The following CHD3 variants were observed in gnomAD, a reference collection of about 807,000 sequenced individuals.
CHD3 encodes chromodomain helicase DNA binding protein 3, also known as ATP-dependent chromatin remodeler CHD3.
Under a neutral mutation model 248.9 loss-of-function variants are expected in CHD3, and 52 were observed. The observed-to-expected ratio is 0.21, with a 90% CI of 0.17 to 0.26. The LOEUF is 0.26. Among genes scored for constraint, CHD3 ranks in the 10% least tolerant of loss-of-function variants. The pLI, the probability that CHD3 is intolerant of heterozygous loss-of-function variation, is 1.00. For missense variants in CHD3, 1,482 were observed against 2,605.8 expected, an observed-to-expected ratio of 0.57 and a Z score of 9.39; for synonymous variants, 985 against 985.2, an observed-to-expected ratio of 1.00 and a Z score of 0.00.
In CHD3 at chr17:7,911,401, G is replaced by A. The variant is rs1045575456; in HGVS notation, c.5882-63G>A. The A allele has an allele frequency of 1.9e-6, 3 of 1,612,718 alleles. No individual in the cohort carries two copies. In the Admixed American group the frequency reaches 5.0e-5, roughly 27 times the overall value. ...GACCTAGAAGTGAGAATTCACCATT[G>A]TCATGAAGTGACGTTTGAGAGTGAT... On this transcript the variant is annotated intron_variant, in intron 39 of 39. Coordinates refer to ENST00000330494, the MANE Select transcript of CHD3 (RefSeq NM_001005273.3). This position sits in a 1 kb window ranked among gnomAD's most constrained non-coding sequence, Gnocchi z 5.4.
Position 7,895,183 on chromosome 17 carries a change from G to A in CHD3, c.1503+33G>A. On this transcript the variant is annotated intron_variant, in intron 9 of 39. Transcript: ENST00000330494. The surrounding 1 kb of genome is among the most constrained non-coding windows in gnomAD (Gnocchi z 4.9). ...GAAACATCTCCCCTCTGTATTTACT[G>A]TCAGGCCTGATCCCTTCCCCCATCC... 1 of 1,604,724 alleles carries A rather than the reference G, an allele frequency of 6.2e-7. No homozygotes were observed. The highest frequency in any genetic ancestry group is 1.3e-5 in the African/African-American group (1 of 74,882).
At chr17:7,884,974 G>A (rs1158609276), upstream of CHD3, 2 of 1,281,914 alleles carry the variant, frequency 1.6e-6, no homozygotes, top group East Asian at 3.1e-5. Flanking sequence ...GGCGCGGGCC[G>A]GGCCACGACC....
Position 7,895,311 on chromosome 17 carries a change from C to T in CHD3, c.1504-28C>T. 2 of 1,611,032 alleles carry T rather than the reference C, an allele frequency of 1.2e-6. No individual in the cohort carries two copies. The highest frequency in any genetic ancestry group is 2.2e-5 in the South Asian group (2 of 90,970). ...TGGGTTCTTTCTGCCTCTTTCTTTCCTCCTCCTTGTACGTGTCCATCCCAA... is the reference window on the plus strand; with the variant it reads ...TGGGTTCTTTCTGCCTCTTTCTTTCTTCCTCCTTGTACGTGTCCATCCCAA... On this transcript the variant is annotated intron_variant, in intron 9 of 39. Transcript: ENST00000330494. The surrounding 1 kb of genome is among the most constrained non-coding windows in gnomAD (Gnocchi z 4.9).
At chr17:7,891,862 CAAAAA>C (rs201268003) in intron 4 of CHD3, among the ~76,000 whole-genome samples, 1 of 123,666 alleles carries the variant, frequency 8.1e-6, no homozygotes, top group South Asian at 2.6e-4. Flanking sequence ...AACTCCGTCT[CAAAAA>C]AAAAAAAAGA....
In CHD3 at chr17:7,907,057, G is replaced by C. The variant is rs769080051; in HGVS notation, c.4666+26G>C. ...GTAATCAGAAGTCAGGATGGTGGGA[G>C]AGACAGAAAGGGAGCCAGGAGTCAG... On this transcript the variant is annotated intron_variant, in intron 30 of 39. Coordinates refer to ENST00000330494, the MANE Select transcript of CHD3 (RefSeq NM_001005273.3). This position sits in a 1 kb window ranked among gnomAD's most constrained non-coding sequence, Gnocchi z 4.3. The C allele has an allele frequency of 8.7e-6, 14 of 1,613,826 alleles. No individual in the cohort carries two copies. The highest frequency in any genetic ancestry group is 1.7e-5 in the Admixed American group (1 of 59,984).
In CHD3 at chr17:7,910,279, C is replaced by G; in HGVS notation, c.5591-149C>G. 1.0e-6 allele frequency: 1 copy of G among 969,862 alleles called. No homozygotes were observed. Among genetic ancestry groups the G allele is most frequent in the Non-Finnish European group, 1.6e-6 (1 of 620,410 alleles). 60.1% of individuals were successfully genotyped at this position (969,862 alleles called of 1,614,324 possible). A position where few individuals can be genotyped will look rare whatever the true frequency, so the allele number is the denominator to read the frequency against. ...GTTTTCCATCTACTTCTTTTACTTTCTTGATCTCTGGTTCTTTGACATCTG... is the reference window on the plus strand; with the variant it reads ...GTTTTCCATCTACTTCTTTTACTTTGTTGATCTCTGGTTCTTTGACATCTG... On this transcript the variant is annotated intron_variant, in intron 37 of 39. Transcript: ENST00000330494. The surrounding 1 kb of genome is among the most constrained non-coding windows in gnomAD (Gnocchi z 4.7).
In CHD3 at chr17:7,897,686, C is replaced by G. The variant is rs114279001; in HGVS notation, c.1920-285C>G. Among the ~76,000 whole-genome samples, 1,834 of 152,292 alleles carry G rather than the reference C, an allele frequency of 0.012. 31 individuals are homozygous for G. Among genetic ancestry groups the G allele is most frequent in the African/African-American group, 0.041 (1,721 of 41,546 alleles). ...TTAGTTATTTCAATGCTGCCTTCCCCACGAGACTCTGAGTTCCATGAGGAA... is the reference window on the plus strand; with the variant it reads ...TTAGTTATTTCAATGCTGCCTTCCCGACGAGACTCTGAGTTCCATGAGGAA... On this transcript the variant is annotated intron_variant, in intron 11 of 39. Transcript: ENST00000330494. This position sits in a 1 kb window ranked among gnomAD's most constrained non-coding sequence, Gnocchi z 4.8.
rs955580543 is a variant in CHD3 at position 7,891,963 on chromosome 17, C to T, written c.509+899C>T. 2.6e-5 allele frequency among the ~76,000 whole-genome samples: 4 copies of T among 151,582 alleles called. No homozygotes were observed. The Admixed American group carries it at 2.7e-4, about 10-fold the overall frequency. On this transcript the variant is annotated intron_variant, in intron 4 of 39. Coordinates refer to ENST00000330494, the MANE Select transcript of CHD3 (RefSeq NM_001005273.3). ...CTCTGGAGGCAGCTGCTGAGGTTCA[C>T]ATCTGGTTACATTTTGGGCAAGTGA...
Position 7,910,186 on chromosome 17 carries a change from T to C in CHD3, c.5591-242T>C, listed in dbSNP as rs141170392. On this transcript the variant is annotated intron_variant, in intron 37 of 39. Coordinates refer to ENST00000330494, the MANE Select transcript of CHD3 (RefSeq NM_001005273.3). The surrounding 1 kb of genome is among the most constrained non-coding windows in gnomAD (Gnocchi z 4.7). ...TTTCTTTCTTCTTTCTCTCCATCTGTCTTCTGTGGTAATCTGGTCTCTCTG... is the reference window on the plus strand; with the variant it reads ...TTTCTTTCTTCTTTCTCTCCATCTGCCTTCTGTGGTAATCTGGTCTCTCTG... 59 of 485,144 alleles carry C rather than the reference T, an allele frequency of 1.2e-4. 1 individual carries two copies. The Middle Eastern group carries it at 1.4e-3, about 12-fold the overall frequency. 30.1% of individuals were successfully genotyped at this position (485,144 alleles called of 1,614,324 possible). A position where few individuals can be genotyped will look rare whatever the true frequency, so the allele number is the denominator to read the frequency against.
rs941280707 is a variant in CHD3 at position 7,911,058 on chromosome 17, T to C, written c.5881+85T>C. 2.6e-6 allele frequency: 4 copies of C among 1,554,122 alleles called. No individual in the cohort carries two copies. In the Admixed American group the frequency reaches 5.6e-5, roughly 22 times the overall value. ...CTGCTCAGCTGCCCTTTAACTGCTC[T>C]AGTCCATCTCATTTCCTTGGTGGTA... On this transcript the variant is annotated intron_variant, in intron 39 of 39. Coordinates refer to ENST00000330494, the MANE Select transcript of CHD3 (RefSeq NM_001005273.3). This position sits in a 1 kb window ranked among gnomAD's most constrained non-coding sequence, Gnocchi z 5.4.
In CHD3 at chr17:7,912,438, C is replaced by T. The variant is rs1308292822; in HGVS notation, c.*853C>T. The T allele has an allele frequency of 6.6e-6, 1 of 152,146 alleles. No individual in the cohort carries two copies. Among genetic ancestry groups the T allele is most frequent in the Non-Finnish European group, 1.5e-5 (1 of 68,180 alleles). 9.4% of individuals were successfully genotyped at this position (152,146 alleles called of 1,614,324 possible). A position where few individuals can be genotyped will look rare whatever the true frequency, so the allele number is the denominator to read the frequency against. Reference sequence around the variant, plus strand: ...TCCTGGAAGACTTCTACTACCCTCCCTCCTCAAGGCCTGGATACAGACTAA... The same window carrying T: ...TCCTGGAAGACTTCTACTACCCTCCTTCCTCAAGGCCTGGATACAGACTAA... On this transcript the variant is annotated 3_prime_UTR_variant, in exon 40 of 40. Coordinates refer to ENST00000330494, the MANE Select transcript of CHD3 (RefSeq NM_001005273.3).
At position 7,910,017 on chromosome 17, in the gene CHD3, CT is replaced by C; in HGVS notation, c.5591-409del. The C allele has an allele frequency of 3.4e-6, 1 of 296,560 alleles. No homozygotes were observed. The highest frequency in any genetic ancestry group is 6.5e-6 in the Non-Finnish European group (1 of 153,960). 18.4% of individuals were successfully genotyped at this position (296,560 alleles called of 1,614,324 possible). On this transcript the variant is annotated intron_variant, in intron 37 of 39. Coordinates refer to ENST00000330494, the MANE Select transcript of CHD3 (RefSeq NM_001005273.3). The surrounding 1 kb of genome is among the most constrained non-coding windows in gnomAD (Gnocchi z 4.7). Reference sequence around the variant, plus strand: ...ACCGTGATTCCTTAAAGCTTTGACACTTACCACCTCCCATGCCTCCTGACTA... The same window carrying C: ...ACCGTGATTCCTTAAAGCTTTGACACTACCACCTCCCATGCCTCCTGACTA...
chr17:7,907,217 C>T lies in CHD3; in HGVS notation c.4758C>T (p.Asn1586=). 1 of 1,614,238 alleles carries T rather than the reference C, an allele frequency of 6.2e-7. No individual in the cohort carries two copies. Among genetic ancestry groups the T allele is most frequent in the South Asian group, 1.1e-5 (1 of 91,084 alleles). ...ACCAGGAGGAAAAGCCAGAGAAGAA[C>T]AGCAGAATTGGGGAGAAGATGGAGA... The part of the protein sequence containing the change: ...AENQEEKPEK[N]SRIGEKMETE... Residue 1586 remains asparagine (N), a synonymous_variant, in exon 31 of 40, where the codon AAC becomes AAT. Transcript: ENST00000330494. This position sits in a 1 kb window ranked among gnomAD's most constrained non-coding sequence, Gnocchi z 4.3.
At chr17:7,886,170 C>G (rs1285042389), upstream of CHD3, among the ~76,000 whole-genome samples, 1 of 152,242 alleles carries the variant, frequency 6.6e-6, no homozygotes, top group East Asian at 1.9e-4. The surrounding 1 kb of genome is among the most constrained non-coding windows in gnomAD (Gnocchi z 4.2). Flanking sequence ...CCCAGCTGTT[C>G]TGCAGCTTGA....
intron 7 of CHD3, 69 bp downstream of exon 7, chr17:7,894,334 T>C (rs1415864309): frequency 6.3e-7 from 1 of 1,591,488 alleles, no homozygotes; most frequent in African/African-American, 1.3e-5. Context: ...CAATTTTGAC[T>C]TCTCTCTTCA....
Position 7,894,129 on chromosome 17 carries a change from C to T in CHD3, c.939C>T (p.Ser313=), listed in dbSNP as rs368622201. 9.4e-5 allele frequency: 152 copies of T among 1,610,960 alleles called. No individual in the cohort carries two copies. Among genetic ancestry groups the T allele is most frequent in the Middle Eastern group, 3.3e-4 (2 of 6,050 alleles). ...RKKGGSYVFQ[S]DEGPEPEAEE... ...GCTATGGGCAGTATGTTTTTCAGAG[C>T]GACGAAGGTCCTGAACCAGAGGCTG... The change falls in exon 7 of 40, where the codon AGC becomes AGT. Residue 313 remains serine, a synonymous_variant. Transcript: ENST00000330494.
At chr17:7,887,630 A>G (rs964007047), upstream of CHD3, among the ~76,000 whole-genome samples, 2 of 151,620 alleles carry the variant, frequency 1.3e-5, no homozygotes, top group East Asian at 1.9e-4. Context: ...AAAAATAAAT[A>G]TATGTGTGAG....
chr17:7,911,895 T>A lies in CHD3; in HGVS notation c.*310T>A. On this transcript the variant is annotated 3_prime_UTR_variant, in exon 40 of 40. Transcript: ENST00000330494. The surrounding 1 kb of genome is among the most constrained non-coding windows in gnomAD (Gnocchi z 5.4). ...CAAGTATACACAACTTCCCAGTAAA[T>A]GGTTGTGGGGAGGAAAGAGGTGGAG... The A allele has an allele frequency of 1.9e-6, 1 of 523,790 alleles. No individual in the cohort carries two copies. The highest frequency in any genetic ancestry group is 5.9e-5 in the East Asian group (1 of 16,964). The allele number at this position is 523,790 out of a possible 1,614,324, so 32.4% of individuals were successfully genotyped here.
At chr17:7,888,183 C>T (rs1427037718), upstream of CHD3, among the ~76,000 whole-genome samples, 1 of 152,204 alleles carries the variant, frequency 6.6e-6, no homozygotes, top group Non-Finnish European at 1.5e-5. Context: ...CGGGCTCTGG[C>T]AGCCACCCCC....
Sources: gnomAD v4.1 joint callset for allele counts (sites outside exome capture counted in the v4.1 genomes callset) on GRCh38, gnomAD v4.1.1 for gene constraint, Gnocchi (gnomAD v3.1) non-coding constraint, MANE v1.5 for transcripts, NCBI Gene and HGNC (gene_info 2026-07-23, HGNC 2026-07-21) for gene names.